FCAMR: variants seen among roughly 807,000 people sequenced by gnomAD.
The protein encoded by FCAMR is Fc alpha and mu receptor.
Under a neutral mutation model 52.2 loss-of-function variants are expected in FCAMR, and 51 were observed. The ratio of observed to expected loss-of-function variants is 0.98; its 90% CI spans 0.78 to 1.23. The LOEUF (loss-of-function observed/expected upper bound fraction) is 1.23, where lower values mean the gene tolerates loss of function less well. Among genes scored for constraint, FCAMR ranks in the 50% most tolerant of loss-of-function variants. The probability of loss-of-function intolerance (pLI) is 0.00; values close to 1 mark genes in which losing one functional copy is unlikely to be tolerated. For missense variants in FCAMR, 719 were observed against 712.6 expected (o/e 1.01, Z -0.10); for synonymous variants, 282 against 262.0 (o/e 1.08, Z -0.74).
At chr1:206,959,627 G>T in intron 7 of FCAMR, 52 bp downstream of exon 7, 1 of 1,437,672 alleles carries the variant, frequency 7.0e-7, no homozygotes, top group Non-Finnish European at 9.8e-7. Context: ...CCCTGAGGGT[G>T]TCAGGTGGGA....
chr1:206,959,485 A>T (rs1204063791), intron 7 of FCAMR, among the ~76,000 whole-genome samples, 194 bp downstream of exon 7: 4 of 151,772 alleles, frequency 2.6e-5, no homozygotes, highest in Non-Finnish European at 5.9e-5. Context: ...TAAAAAAAAA[A>T]AAAAAAGAAA....
At chr1:206,964,210 C>A (rs1291332315) in intron 4 of FCAMR, among the ~76,000 whole-genome samples, 1 of 152,226 alleles carries the variant, frequency 6.6e-6, no homozygotes, top group East Asian at 1.9e-4. Context: ...CTCCCTCCTT[C>A]ATTTGGCCTG....
chr1:206,965,989 A>G (rs749084768), intron 3 of FCAMR, 131 bp from the exon 4 acceptor site: 16 of 1,244,912 alleles, frequency 1.3e-5, no homozygotes, highest in Non-Finnish European at 1.6e-5. Context: ...TCCATCAAGT[A>G]AGAGCTGCCT....
Position 206,958,692 on chromosome 1 carries a change from G to C in FCAMR, c.1574-16C>G. 6.2e-7 allele frequency: 1 copy of C among 1,613,992 alleles called. No individual in the cohort carries two copies. Among genetic ancestry groups the C allele is most frequent in the Non-Finnish European group, 8.5e-7 (1 of 1,179,998 alleles). ...GCCTCCTGAGCTGCAGAGACACAGA[G>C]CAGACTGTGAGGGTTCTGGGTAAGG... On this transcript the variant is annotated splice_polypyrimidine_tract_variant and intron_variant, in intron 7 of 7. Transcript: ENST00000324852.
chr1:206,962,768 C>G (rs1212672631), intron 4 of FCAMR, among the ~76,000 whole-genome samples: 1 of 152,068 alleles, frequency 6.6e-6, no homozygotes, highest in Non-Finnish European at 1.5e-5. Flanking sequence ...ATAATCTTAC[C>G]CACCTTGATA....
intron 6 of FCAMR, 144 bp downstream of exon 6, chr1:206,960,278 G>T: frequency 2.5e-6 from 2 of 812,248 alleles, no homozygotes; most frequent in Middle Eastern, 3.7e-4. Context: ...AGGCCCCTTG[G>T]GTGAGGGAGG....
At position 206,959,711 on chromosome 1, in the gene FCAMR, A is replaced by T. The variant is rs747052723; in HGVS notation, c.1541T>A (p.Leu514Gln). The change falls in exon 7 of 8, where the codon CTA becomes CAA. Residue 514 changes from leucine to glutamine, a missense_variant. Coordinates refer to ENST00000324852, the MANE Select transcript of FCAMR (RefSeq NM_001170631.2). The stretch of plus-strand genomic sequence containing the variant: ...CCTTCTCCAGAGCTTCCTTTGCAAT[A>T]GAACCAGAGCCATAAGCATAAACAG... Reference protein sequence around the residue: ...LALFMLMALVLLQRKLWRRRT... With the variant: ...LALFMLMALVQLQRKLWRRRT... 2.5e-6 allele frequency: 4 copies of T among 1,614,124 alleles called. No individual in the cohort carries two copies. The highest frequency in any genetic ancestry group is 3.3e-5 in the Admixed American group (2 of 60,022).
At chr1:206,968,242 G>A (rs1359784941) in intron 1 of FCAMR, among the ~76,000 whole-genome samples, 6 of 152,216 alleles carry the variant, frequency 3.9e-5, no homozygotes, top group African/African-American at 1.4e-4. Flanking sequence ...AGGAGACTGA[G>A]GCAGTAGAAT....
chr1:206,970,069 G>A lies in FCAMR; in HGVS notation c.39+18C>T. The A allele has an allele frequency of 6.2e-7, 1 of 1,614,030 alleles. No individual in the cohort carries two copies. The highest frequency in any genetic ancestry group is 1.3e-5 in the African/African-American group (1 of 75,020). On this transcript the variant is annotated intron_variant, in intron 1 of 7. Coordinates refer to ENST00000324852, the MANE Select transcript of FCAMR (RefSeq NM_001170631.2). The stretch of plus-strand genomic sequence containing the variant: ...TCAGAGGCAAGATCCCAACCTCCAG[G>A]AGAAAGCATCATTTCACCTTTTGTT...
Position 206,961,015 on chromosome 1 carries a change from G to T in FCAMR, c.861C>A (p.Thr287=). Residue 287 remains threonine, a synonymous_variant, in exon 6 of 8, where the codon ACC becomes ACA. Transcript: ENST00000324852. The stretch of plus-strand genomic sequence containing the variant: ...TGCCTGTCCCTGGAGCTGCTGGCCT[G>T]GTTGCTCCTGGGGTTCGTCTTCCCT... ...SAEGRRTPGA[T]RPAAPGTGSW... 1 of 1,551,894 alleles carries T rather than the reference G, an allele frequency of 6.4e-7. No individual in the cohort carries two copies. The highest frequency in any genetic ancestry group is 8.7e-7 in the Non-Finnish European group (1 of 1,147,038).
intron 7 of FCAMR, among the ~76,000 whole-genome samples, chr1:206,959,235 G>A (rs1680392481): frequency 6.6e-6 from 1 of 152,164 alleles, no homozygotes; most frequent in East Asian, 1.9e-4. Context: ...TATAATCCCA[G>A]CAATTTGGGA....
intron 6 of FCAMR, 32 bp downstream of exon 6, chr1:206,960,390 C>G (rs1680454102): frequency 1.4e-6 from 2 of 1,462,920 alleles, no homozygotes; most frequent in South Asian, 1.5e-5. Flanking sequence ...AGATGTGGGG[C>G]CCCCCAACCG....
chr1:206,962,372 G>A lies in FCAMR; in HGVS notation c.493C>T (p.Arg165Cys), dbSNP rs758204600. The change falls in exon 5 of 8, where the codon CGC becomes TGC. Residue 165 changes from arginine to cysteine, a missense_variant. Physicochemically the swap from Arg to Cys is radical, Grantham distance 180. Transcript: ENST00000324852. ...GTGAGGGCCACACGGTCACGATAGC[G>A]ATGGTGAGTATACTGGTTGGTGGAC... ...IVSTNQYTHH[R>C]YRDRVALTDF... 9.3e-6 allele frequency: 15 copies of A among 1,614,206 alleles called. No individual in the cohort carries two copies. The highest frequency in any genetic ancestry group is 5.5e-5 in the South Asian group (5 of 91,082).
intron 4 of FCAMR, among the ~76,000 whole-genome samples, chr1:206,964,916 G>T (rs1211113575): frequency 6.6e-6 from 1 of 152,188 alleles, no homozygotes; most frequent in Admixed American, 6.5e-5. Context: ...AGTACCTTCT[G>T]AGTATGGGGT....
At chr1:206,959,493 A>C (rs1680404629) in intron 7 of FCAMR, among the ~76,000 whole-genome samples, 186 bp downstream of exon 7, 1 of 149,698 alleles carries the variant, frequency 6.7e-6, no homozygotes, top group African/African-American at 2.5e-5. Flanking sequence ...AAAAAAAAAG[A>C]AAAGAAAAGA....
intron 6 of FCAMR, 148 bp downstream of exon 6, chr1:206,960,274 C>T: frequency 1.3e-6 from 1 of 789,036 alleles, no homozygotes; most frequent in Non-Finnish European, 2.0e-6. Context: ...AGCAAGGCCC[C>T]TTGGGTGAGG....
chr1:206,969,094 A>C (rs1425994021), intron 1 of FCAMR: 2 of 290,240 alleles, frequency 6.9e-6, no homozygotes, highest in African/African-American at 4.5e-5. Context: ...CCTGCACCTA[A>C]CTCATAATTT....
chr1:206,965,796 G>A lies in FCAMR; in HGVS notation c.232C>T (p.Pro78Ser), dbSNP rs1680684070. The A allele has an allele frequency of 6.3e-7, 1 of 1,597,736 alleles. No homozygotes were observed. The highest frequency in any genetic ancestry group is 8.5e-7 in the Non-Finnish European group (1 of 1,173,594). Residue 78 changes from proline to serine, a missense_variant, in exon 4 of 8, where the codon CCC becomes TCC. Coordinates refer to ENST00000324852, the MANE Select transcript of FCAMR (RefSeq NM_001170631.2). ...HPRWLWEGSLPSRTHLRAMGT... is the reference protein window; with the variant it reads ...HPRWLWEGSLSSRTHLRAMGT... ...ATGGCCCGGAGATGGGTCCTGGAGG[G>A]GAGAGAGCCCTCCCACAGCCATCTC...
At chr1:206,963,585 A>C (rs1352598137) in intron 4 of FCAMR, among the ~76,000 whole-genome samples, 1 of 152,200 alleles carries the variant, frequency 6.6e-6, no homozygotes, top group East Asian at 1.9e-4. Flanking sequence ...TCTTTTGCCC[A>C]GTCAAAACCC....
Sources: gnomAD v4.1 joint callset for allele counts (sites outside exome capture counted in the v4.1 genomes callset) on GRCh38, gnomAD v4.1.1 for gene constraint, MANE v1.5 for transcripts, NCBI Gene and HGNC (gene_info 2026-07-23, HGNC 2026-07-21) for gene names.